The following SMAD5 variants were observed in gnomAD, a reference collection of about 807,000 sequenced individuals.
SMAD5 encodes the protein MAD, mothers against decapentaplegic homolog 5.
In SMAD5, 9 loss-of-function variants were observed where a neutral mutation model predicts 43.1. The observed-to-expected ratio is 0.21, with a 90% CI of 0.13 to 0.36. The LOEUF is 0.36. Ranked by LOEUF, SMAD5 falls within the 10% of genes least tolerant of loss-of-function variation. The pLI, the probability that SMAD5 is intolerant of heterozygous loss-of-function variation, is 1.00. For synonymous variants in SMAD5, 190 were observed against 192.4 expected, an observed-to-expected ratio of 0.99 and a Z score of 0.10; for missense variants, 348 against 574.0, an observed-to-expected ratio of 0.61 and a Z score of 4.02.
chr5:136,142,551 G>A (rs1309600887), intron 1 of SMAD5, among the ~76,000 whole-genome samples: 1 of 151,936 alleles, frequency 6.6e-6, no homozygotes, highest in Non-Finnish European at 1.5e-5. Context: ...TTCTAGCTTT[G>A]AGGTCATTTC....
intron 3 of SMAD5, among the ~76,000 whole-genome samples, chr5:136,158,860 G>A (rs1195367535): frequency 2.6e-5 from 4 of 151,512 alleles, no homozygotes; most frequent in African/African-American, 9.7e-5. Context: ...GATGGCGCCA[G>A]TGCACTCCAG....
Position 136,147,876 on chromosome 5 carries a change from A to G in SMAD5, c.-200A>G, listed in dbSNP as rs1183420052. ...ATTGAAGTACCTGTTGCTATATTCT[A>G]AGAAATTAAAATGTCCAGAAATCTG... On this transcript the variant is annotated 5_prime_UTR_variant, in exon 2 of 8. Transcript: ENST00000545279. The G allele has an allele frequency of 6.6e-6, 1 of 151,742 alleles. No homozygotes were observed. Among genetic ancestry groups the G allele is most frequent in the Non-Finnish European group, 1.5e-5 (1 of 67,802 alleles). The allele number at this position is 151,742 out of a possible 1,614,324, so 9.4% of individuals were successfully genotyped here.
rs145007398 is a variant in SMAD5 at position 136,146,609 on chromosome 5, G to T, written c.-244-1223G>T. ...AATTTTTTCATAACCGAGTACTTAT[G>T]TGAGGATACTAAAGTAAATCTATTG... On this transcript the variant is annotated intron_variant, in intron 1 of 7. Coordinates refer to ENST00000545279, the MANE Select transcript of SMAD5 (RefSeq NM_005903.7). Among the ~76,000 whole-genome samples the T allele has an allele frequency of 5.9e-3, 889 of 151,616 alleles. 9 individuals are homozygous for T. Among genetic ancestry groups the T allele is most frequent in the African/African-American group, 0.02 (838 of 41,370 alleles).
intron 5 of SMAD5, among the ~76,000 whole-genome samples, chr5:136,166,905 T>G (rs958565184): frequency 6.6e-6 from 1 of 152,196 alleles, no homozygotes; most frequent in African/African-American, 2.4e-5. Flanking sequence ...ACCAAACAAC[T>G]GAGCCCCTTT....
chr5:136,174,531 A>C lies in SMAD5; in HGVS notation c.1153A>C (p.Asn385His). The change falls in exon 7 of 8, where the codon AAT (asparagine) becomes CAT (histidine). Residue 385 changes from asparagine to histidine, a missense_variant. Around this residue, in one of 5 missense-constraint regions of SMAD5, gnomAD observed 97 missense variants for 211.8 expected, o/e 0.46. Transcript: ENST00000545279. ...CAGCTGCAGCCTCAAAATTTTTAAC[A>C]ATCAGGAGTTTGCTCAGCTTCTGGC... ...PSSCSLKIFNNQEFAQLLAQS... is the reference protein window; with the variant it reads ...PSSCSLKIFNHQEFAQLLAQS... 1 of 1,613,844 alleles carries C rather than the reference A, an allele frequency of 6.2e-7. No individual in the cohort carries two copies. Among genetic ancestry groups the C allele is most frequent in the Non-Finnish European group, 8.5e-7 (1 of 1,179,796 alleles).
At chr5:136,139,162 TTCTG>T (rs1258026872) in intron 1 of SMAD5, among the ~76,000 whole-genome samples, 17 of 139,862 alleles carry the variant, frequency 1.2e-4, no homozygotes, top group South Asian at 6.8e-4. Context: ...GTGTGTGTCT[TTCTG>T]TATGTTTTTC....
intron 5 of SMAD5, among the ~76,000 whole-genome samples, chr5:136,168,740 C>T (rs1168046567): frequency 6.6e-6 from 1 of 152,208 alleles, no homozygotes; most frequent in Admixed American, 6.5e-5. Context: ...CCCCACAACC[C>T]CTTGCAACCA....
chr5:136,167,455 T>C (rs898687903), intron 5 of SMAD5, among the ~76,000 whole-genome samples: 1 of 152,010 alleles, frequency 6.6e-6, no homozygotes, highest in Non-Finnish European at 1.5e-5. Context: ...AAACTCAGAA[T>C]TGAGTTTTAA....
chr5:136,176,457 C>CAAAAAAAAAAAAAAAAAAAAAAAAA (rs60311104), intron 7 of SMAD5, among the ~76,000 whole-genome samples: 1 of 68,534 alleles, frequency 1.5e-5, no homozygotes, highest in East Asian at 4.8e-4. Flanking sequence ...CTCTGTCTCA[C>CAAAAAAAAAAAAAAAAAAAAAAAAA]AAAAAAAAAA....
chr5:136,160,909 C>T lies in SMAD5; in HGVS notation c.457C>T (p.Leu153Phe). 1 of 1,613,902 alleles carries T rather than the reference C, an allele frequency of 6.2e-7. No individual in the cohort carries two copies. ...TAATGAATTCAATCCACAACACAGC[C>T]TTCTGGTTCAGTTTAGGAACCTGAG... ...RHNEFNPQHS[L>F]LVQFRNLSHN... The change falls in exon 4 of 8, where the codon CTT becomes TTT. Residue 153 changes from leucine (L) to phenylalanine (F), a missense_variant. Physicochemically the swap from Leu to Phe is conservative, Grantham distance 22 (BLOSUM62 0). This residue lies in a region of SMAD5 where 185 missense variants were observed against 207.0 expected (regional missense o/e 0.89). Transcript: ENST00000545279.
At chr5:136,149,972 T>G (rs1753398558) in intron 2 of SMAD5, among the ~76,000 whole-genome samples, 1 of 151,842 alleles carries the variant, frequency 6.6e-6, no homozygotes, top group South Asian at 2.1e-4. Flanking sequence ...GTCACTGGCC[T>G]TTTCTTTGTT....
In SMAD5 at chr5:136,154,934, C is replaced by G. The variant is rs115632561; in HGVS notation, c.403+771C>G. 4.3e-3 allele frequency among the ~76,000 whole-genome samples: 654 copies of G among 152,270 alleles called. 5 individuals carry two copies. Among genetic ancestry groups the G allele is most frequent in the African/African-American group, 0.015 (611 of 41,554 alleles). On this transcript the variant is annotated intron_variant, in intron 3 of 7. Coordinates refer to ENST00000545279, the MANE Select transcript of SMAD5 (RefSeq NM_005903.7). ...GTATGCTATCCTGGTTCTCCTACCT[C>G]ACTGACTGTTCTTGCCCCTCTTTGC...
intron 5 of SMAD5, among the ~76,000 whole-genome samples, chr5:136,171,771 G>T (rs1186698929): frequency 3.9e-5 from 6 of 152,118 alleles, no homozygotes; most frequent in Admixed American, 3.9e-4. Context: ...AGACTTCAGG[G>T]GCTGTTGGGA....
At chr5:136,137,635 T>C (rs982452506) in intron 1 of SMAD5, among the ~76,000 whole-genome samples, 2 of 152,168 alleles carry the variant, frequency 1.3e-5, no homozygotes, top group African/African-American at 4.8e-5. Context: ...GTTATTCTGG[T>C]TTGTGTGTTC....
intron 5 of SMAD5, among the ~76,000 whole-genome samples, chr5:136,165,811 A>T (rs1753989468): frequency 6.7e-6 from 1 of 150,034 alleles, no homozygotes; most frequent in South Asian, 2.1e-4. Context: ...AATTTTGTTT[A>T]TCTATTCATC....
chr5:136,154,088 TG>T lies in SMAD5; in HGVS notation c.329del (p.Cys110LeufsTer31). ...TCATGAGCTAAAGCCGTTGGATATT[TG>T]TGAATTTCCTTTTGGATCTAAGCAA... ...SHHELKPLDICEFPFGSKQKE... is the reference protein window; with the variant it reads ...SHHELKPLDIXEFPFGSKQKE... On this transcript the variant is annotated frameshift_variant, in exon 3 of 8. Coordinates refer to ENST00000545279, the MANE Select transcript of SMAD5 (RefSeq NM_005903.7). LOFTEE classifies it high-confidence loss of function. The T allele has an allele frequency of 6.3e-7, 1 of 1,596,678 alleles. No individual in the cohort carries two copies. Among genetic ancestry groups the T allele is most frequent in the Non-Finnish European group, 8.5e-7 (1 of 1,171,188 alleles).
chr5:136,165,042 T>G (rs183851474), intron 5 of SMAD5, among the ~76,000 whole-genome samples: 1 of 152,354 alleles, frequency 6.6e-6, no homozygotes, highest in Non-Finnish European at 1.5e-5. Flanking sequence ...ATTTCAGGAC[T>G]CTGTTGGCTT....
intron 6 of SMAD5, 95 bp downstream of exon 6, chr5:136,172,750 G>A (rs1561658279): frequency 1.2e-6 from 1 of 841,106 alleles, no homozygotes; most frequent in Non-Finnish European, 2.0e-6. Context: ...AACATACAAA[G>A]AAGTTTGACA....
intron 4 of SMAD5, 54 bp from the exon 5 acceptor site, chr5:136,163,218 A>G (rs1753881541): frequency 1.3e-6 from 2 of 1,481,696 alleles, no homozygotes; most frequent in Admixed American, 2.0e-5. Flanking sequence ...AAGCTTTTAG[A>G]GTAATAATTT....
Sources: allele counts gnomAD v4.1 joint callset (sites outside exome capture counted in the v4.1 genomes callset), GRCh38; gene constraint gnomAD v4.1.1; regional missense constraint gnomAD v4.1.1; transcripts MANE v1.5; gene names NCBI Gene and HGNC (gene_info 2026-07-23, HGNC 2026-07-21).